Variants in GLIS3 observed in about 807,000 individuals in gnomAD.
GLIS3 encodes GLIS family zinc finger 3.
A neutral mutation model predicts 78.6 loss-of-function variants in GLIS3; 53 were observed. The ratio of observed to expected loss-of-function variants is 0.67; its 90% confidence interval spans 0.54 to 0.85. The LOEUF (loss-of-function observed/expected upper bound fraction) is 0.85. Ranked by LOEUF, GLIS3 falls within the 40% of genes least tolerant of loss-of-function variation. The probability of loss-of-function intolerance (pLI) is 0.00; values close to 1 mark genes in which losing one functional copy is unlikely to be tolerated. For missense variants in GLIS3, 1,703 were observed against 1,231.1 expected (o/e 1.38, Z -5.74); for synonymous variants, 684 against 509.9 (o/e 1.34, Z -4.60).
chr9:4,267,915 G>A (rs1455666759), intron 2 of GLIS3, among the ~76,000 whole-genome samples: 14 of 150,916 alleles, frequency 9.3e-5, no homozygotes, highest in East Asian at 1.9e-4. Context: ...ATCCATCCAC[G>A]GATAAGTAAA....
At position 4,296,903 on chromosome 9, in the gene GLIS3, CAAAAAAAA is replaced by C. The variant is rs71324297; in HGVS notation, c.-99+2510_-99+2517del. ...TTACACCTCAGCTTGTTCTCAATTG[CAAAAAAAA>C]AAAAAAAAAAAAAAAATGCATATAA... is the stretch of plus-strand genomic sequence containing the variant. On this transcript the variant is annotated intron_variant, in intron 1 of 10. Coordinates refer to ENST00000381971, the MANE Select transcript of GLIS3 (RefSeq NM_001042413.2). Among the ~76,000 whole-genome samples, 218 of 114,146 alleles carry C rather than the reference CAAAAAAAA, an allele frequency of 1.9e-3. 1 individual carries two copies. The highest frequency in any genetic ancestry group is 5.1e-3 in the African/African-American group (155 of 30,250). 74.9% of individuals were successfully genotyped at this position (114,146 alleles called of 152,430 possible).
intron 1 of GLIS3, chr9:4,298,620 G>A (rs1195468904): frequency 8.3e-5 from 18 of 217,928 alleles, no homozygotes; most frequent in Non-Finnish European, 1.6e-4. Flanking sequence ...GCCGCGCGCA[G>A]GACAACGTCT....
At chr9:3,971,351 C>G (rs1818369633) in intron 4 of GLIS3, among the ~76,000 whole-genome samples, 1 of 152,172 alleles carries the variant, frequency 6.6e-6, no homozygotes, top group South Asian at 2.1e-4. Context: ...CAAAGCAGCC[C>G]TTACTCGGTT....
Position 3,954,809 on chromosome 9 carries a change from C to T in GLIS3, c.1711-17620G>A, listed in dbSNP as rs539282897. On this transcript the variant is annotated intron_variant, in intron 4 of 10. Coordinates refer to ENST00000381971, the MANE Select transcript of GLIS3 (RefSeq NM_001042413.2). Reference sequence around the variant, plus strand: ...GGATGCATTCTTTACTCATCCTCCCCGCTGGGATGGGTAATGAGAATAAAG... The same window carrying T: ...GGATGCATTCTTTACTCATCCTCCCTGCTGGGATGGGTAATGAGAATAAAG... Among the ~76,000 whole-genome samples, 5 of 152,190 alleles carry T rather than the reference C, an allele frequency of 3.3e-5. No individual in the cohort carries two copies. In the East Asian group the frequency reaches 5.8e-4, roughly 18 times the overall value.
chr9:4,210,267 G>A (rs1041512636), intron 2 of GLIS3, among the ~76,000 whole-genome samples: 3 of 152,168 alleles, frequency 2.0e-5, no homozygotes, highest in African/African-American at 7.2e-5. Context: ...TTTGTGGTAT[G>A]GTTAATCATT....
intron 4 of GLIS3, among the ~76,000 whole-genome samples, chr9:3,939,403 C>G (rs917563337): frequency 6.6e-6 from 1 of 152,202 alleles, no homozygotes; most frequent in African/African-American, 2.4e-5. Context: ...ATTTCCAAGT[C>G]TTTCCAGTTA....
intron 8 of GLIS3, among the ~76,000 whole-genome samples, chr9:3,861,207 G>C (rs540103120): frequency 6.6e-6 from 1 of 152,150 alleles, no homozygotes; most frequent in Non-Finnish European, 1.5e-5. Flanking sequence ...GTATTAGAAC[G>C]TCTATAGAGT....
chr9:4,326,194 C>A (rs10974463), intron 2 of GLIS3, among the ~76,000 whole-genome samples: 19,214 of 152,048 alleles, frequency 0.13, 2,790 homozygotes, highest in African/African-American at 0.36. Flanking sequence ...TGCACGTGTA[C>A]CCGGGAACTT....
rs116466944 is a variant in GLIS3 at position 4,196,163 on chromosome 9, G to A, written c.389-70222C>T. Among the ~76,000 whole-genome samples, 1,261 of 152,012 alleles carry A rather than the reference G, an allele frequency of 8.3e-3. 19 individuals are homozygous for A. The highest frequency in any genetic ancestry group is 0.029 in the African/African-American group (1,189 of 41,422). Reference sequence around the variant, plus strand: ...TAGTGGGGACTTGGAGAACTTTTATGTCTAGGAGAACTTTCATGTCTAGCC... The same window carrying A: ...TAGTGGGGACTTGGAGAACTTTTATATCTAGGAGAACTTTCATGTCTAGCC... On this transcript the variant is annotated intron_variant, in intron 2 of 10. Transcript: ENST00000381971.
chr9:4,340,081 C>A (rs10814943), intron 2 of GLIS3, among the ~76,000 whole-genome samples: 6 of 151,094 alleles, frequency 4.0e-5, no homozygotes, highest in African/African-American at 1.2e-4. Flanking sequence ...CATGTCCTCA[C>A]GGCTTGGCTT....
chr9:4,073,544 A>G (rs932415852), intron 4 of GLIS3, among the ~76,000 whole-genome samples: 1 of 152,188 alleles, frequency 6.6e-6, no homozygotes, highest in African/African-American at 2.4e-5. Context: ...AGGCAAAGCT[A>G]GCTAAGAAAT....
intron 4 of GLIS3, among the ~76,000 whole-genome samples, chr9:4,108,416 G>T (rs183222683): frequency 1.3e-5 from 2 of 152,276 alleles, no homozygotes; most frequent in African/African-American, 4.8e-5. Context: ...AACTCTGAGG[G>T]AAGAAGGTAG....
intron 4 of GLIS3, 61 bp downstream of exon 4, chr9:4,117,707 C>T (rs969694703): frequency 1.2e-6 from 2 of 1,601,840 alleles, no homozygotes; most frequent in Non-Finnish European, 1.7e-6. Context: ...GGAAAAAACA[C>T]ACGTACGCAA....
intron 9 of GLIS3, among the ~76,000 whole-genome samples, chr9:3,847,108 C>T (rs905136072): frequency 5.3e-5 from 8 of 152,014 alleles, no homozygotes; most frequent in South Asian, 2.1e-4. Flanking sequence ...CACTTGAGCC[C>T]GGGAGGCAGA....
intron 4 of GLIS3, among the ~76,000 whole-genome samples, chr9:4,008,965 C>A (rs367720349): frequency 6.6e-6 from 1 of 152,196 alleles, no homozygotes; most frequent in African/African-American, 2.4e-5. Context: ...AGCATGTGTT[C>A]TTCACAGGTT....
At chr9:3,993,744 G>T (rs1475011199) in intron 4 of GLIS3, among the ~76,000 whole-genome samples, 1 of 152,070 alleles carries the variant, frequency 6.6e-6, no homozygotes. Context: ...CATGATTTTA[G>T]CAAATGGCTA....
chr9:4,196,410 A>AT (rs1200859461), intron 2 of GLIS3, among the ~76,000 whole-genome samples: 7 of 152,186 alleles, frequency 4.6e-5, no homozygotes, highest in African/African-American at 1.4e-4. Flanking sequence ...CCCTTTCCGC[A>AT]CTGTGGAAGC....
chr9:4,373,759 C>G, the GLIS3 span, among the ~76,000 whole-genome samples: 1 of 151,798 alleles, frequency 6.6e-6, no homozygotes, highest in Non-Finnish European at 1.5e-5. Flanking sequence ...CCTCCACCTC[C>G]TGGGTTCAAG....
chr9:4,204,536 C>G (rs763324071), intron 2 of GLIS3, among the ~76,000 whole-genome samples: 2 of 152,044 alleles, frequency 1.3e-5, no homozygotes, highest in Non-Finnish European at 2.9e-5. Context: ...AAGGAACTAA[C>G]GTATGACAGT....
Sources: allele counts gnomAD v4.1 joint callset (sites outside exome capture counted in the v4.1 genomes callset), GRCh38; gene constraint gnomAD v4.1.1; transcripts MANE v1.5; gene names NCBI Gene and HGNC (gene_info 2026-07-23, HGNC 2026-07-21).